PDGFC: variants seen among roughly 807,000 people sequenced by gnomAD.
The protein encoded by PDGFC is platelet-derived growth factor C.
PDGFC carries 12 observed loss-of-function variants against 35.5 expected under a neutral mutation model. The observed-to-expected ratio is 0.34, with a 90% CI of 0.22 to 0.55. The LOEUF (loss-of-function observed/expected upper bound fraction) is 0.55, where lower values mean the gene tolerates loss of function less well. Among genes scored for constraint, PDGFC ranks in the 20% least tolerant of loss-of-function variants. PDGFC has a pLI of 0.91. For synonymous variants in PDGFC, 159 were observed against 148.8 expected (o/e 1.07, Z -0.50); for missense variants, 322 against 412.4 (o/e 0.78, Z 1.90).
chr4:156,795,252 T>C (rs936532371), intron 3 of PDGFC, among the ~76,000 whole-genome samples: 14 of 152,160 alleles, frequency 9.2e-5, no homozygotes, highest in Admixed American at 2.6e-4. Context: ...CCATATAAAA[T>C]GAGTTACTAT....
chr4:156,772,732 A>G lies in PDGFC; in HGVS notation c.657T>C (p.Thr219=), dbSNP rs796900513. The G allele has an allele frequency of 1.2e-6, 2 of 1,613,660 alleles. No homozygotes were observed. The highest frequency in any genetic ancestry group is 2.2e-5 in the East Asian group (1 of 44,834). The part of the protein sequence containing the change: ...QLDLEDLYRP[T]WQLLGKAFVF... ...CAAAAGCCTTGCCAAGAAGTTGCCA[A>G]GTTGGCCTATATAGATCTTCTAAGT... is the stretch of plus-strand genomic sequence containing the variant. Residue 219 remains threonine, a synonymous_variant, in exon 4 of 6, where the codon ACT becomes ACC. Transcript: ENST00000502773.
chr4:156,840,563 C>T (rs1729176851), intron 2 of PDGFC, among the ~76,000 whole-genome samples: 1 of 152,244 alleles, frequency 6.6e-6, no homozygotes, highest in South Asian at 2.1e-4. Context: ...GAATCCCCTA[C>T]AGAAAGTCCC....
chr4:156,818,607 G>A (rs1201688339), intron 2 of PDGFC, among the ~76,000 whole-genome samples: 5 of 132,778 alleles, frequency 3.8e-5, no homozygotes, highest in South Asian at 2.6e-4. Context: ...TGCAAGCTCC[G>A]CCTCCTGGGT....
intron 2 of PDGFC, among the ~76,000 whole-genome samples, chr4:156,830,876 A>T (rs191566153): frequency 1.3e-5 from 2 of 152,310 alleles, no homozygotes; most frequent in East Asian, 3.9e-4. Context: ...ATTTCAGCTA[A>T]ATATTACTCC....
chr4:156,916,764 G>C (rs1043717388), intron 1 of PDGFC, among the ~76,000 whole-genome samples: 2 of 152,094 alleles, frequency 1.3e-5, no homozygotes, highest in African/African-American at 4.8e-5. Flanking sequence ...TGAGCCTTTG[G>C]GGTGGCACAT....
intron 1 of PDGFC, among the ~76,000 whole-genome samples, chr4:156,885,995 A>T (rs1730367421): frequency 1.3e-5 from 2 of 152,184 alleles, no homozygotes; most frequent in South Asian, 4.1e-4. Flanking sequence ...TTAGACTGAT[A>T]TTTAGTCTTG....
At chr4:156,938,864 ATTTAT>A (rs1731743048) in intron 1 of PDGFC, among the ~76,000 whole-genome samples, 1 of 151,782 alleles carries the variant, frequency 6.6e-6, no homozygotes, top group African/African-American at 2.4e-5. Context: ...TATAAATACA[ATTTAT>A]TTTATATTGT....
At chr4:156,899,343 C>T (rs1297855348) in intron 1 of PDGFC, among the ~76,000 whole-genome samples, 1 of 152,126 alleles carries the variant, frequency 6.6e-6, no homozygotes, top group East Asian at 1.9e-4. Flanking sequence ...ACTTGAGCAA[C>T]CTTGGATTTT....
At chr4:156,802,752 C>T (rs1267392829) in intron 3 of PDGFC, among the ~76,000 whole-genome samples, 6 of 152,220 alleles carry the variant, frequency 3.9e-5, no homozygotes, top group Admixed American at 2.0e-4. Context: ...TAAGCCAGCA[C>T]GCAGTACAGT....
At chr4:156,896,646 A>G (rs1424501270) in intron 1 of PDGFC, among the ~76,000 whole-genome samples, 1 of 152,234 alleles carries the variant, frequency 6.6e-6, no homozygotes, top group Non-Finnish European at 1.5e-5. Context: ...AAAGTCATAC[A>G]TAACACATTA....
At chr4:156,791,365 T>A (rs116465354) in intron 3 of PDGFC, among the ~76,000 whole-genome samples, 4 of 152,206 alleles carry the variant, frequency 2.6e-5, no homozygotes, top group African/African-American at 9.6e-5. Flanking sequence ...ATCCAGCTTA[T>A]CGTGTATTTA....
At chr4:156,914,955 T>G (rs1252063870) in intron 1 of PDGFC, among the ~76,000 whole-genome samples, 1 of 152,090 alleles carries the variant, frequency 6.6e-6, no homozygotes, top group Admixed American at 6.6e-5. Context: ...TTGTTAATGG[T>G]TTAGAGTAGT....
At chr4:156,927,549 G>C (rs1316645234) in intron 1 of PDGFC, among the ~76,000 whole-genome samples, 1 of 152,048 alleles carries the variant, frequency 6.6e-6, no homozygotes, top group Non-Finnish European at 1.5e-5. Context: ...GTTCAAAGTT[G>C]CACGAATCTC....
In PDGFC at chr4:156,971,481, G is replaced by T. The variant is rs1370361699; in HGVS notation, c.-578C>A. ...GCGCCGCGGCGGGTCCCACGGGCCG[G>T]GGCGCCGGAGCGGGGCCGGGGGGCT... is the stretch of plus-strand genomic sequence containing the variant. On this transcript the variant is annotated 5_prime_UTR_variant, in exon 1 of 6. Coordinates refer to ENST00000502773, the MANE Select transcript of PDGFC (RefSeq NM_016205.3). The T allele has an allele frequency of 4.0e-6, 1 of 248,462 alleles. No homozygotes were observed. The highest frequency in any genetic ancestry group is 7.6e-6 in the Non-Finnish European group (1 of 131,918). 15.4% of individuals were successfully genotyped at this position (248,462 alleles called of 1,614,324 possible). A position where few individuals can be genotyped will look rare whatever the true frequency, so the allele number is the denominator to read the frequency against.
intron 3 of PDGFC, among the ~76,000 whole-genome samples, chr4:156,784,739 G>A (rs911730292): frequency 6.6e-6 from 1 of 152,160 alleles, no homozygotes; most frequent in Admixed American, 6.5e-5. Flanking sequence ...TGTAGATCAA[G>A]ACGGGGCAAA....
At chr4:156,894,049 C>T (rs1730575646) in intron 1 of PDGFC, among the ~76,000 whole-genome samples, 1 of 152,094 alleles carries the variant, frequency 6.6e-6, no homozygotes, top group Non-Finnish European at 1.5e-5. Flanking sequence ...GTATCAGGTG[C>T]CTCAAAATAA....
chr4:156,945,083 G>A (rs1731906042), intron 1 of PDGFC, among the ~76,000 whole-genome samples: 1 of 151,508 alleles, frequency 6.6e-6, no homozygotes, highest in Non-Finnish European at 1.5e-5. Context: ...CCAAAACACA[G>A]CACTGACCAT....
At chr4:156,812,448 A>G (rs752506423) in intron 2 of PDGFC, among the ~76,000 whole-genome samples, 10 of 152,128 alleles carry the variant, frequency 6.6e-5, no homozygotes, top group South Asian at 2.1e-4. Context: ...GCTTCTATGA[A>G]TTGCATTTCA....
chr4:156,907,462 T>C (rs1730941094), intron 1 of PDGFC, among the ~76,000 whole-genome samples: 2 of 152,154 alleles, frequency 1.3e-5, no homozygotes, highest in South Asian at 4.1e-4. Context: ...AAGGGTTTCA[T>C]CTCTTAAGAT....
Sources: allele counts gnomAD v4.1 joint callset (sites outside exome capture counted in the v4.1 genomes callset), GRCh38; gene constraint gnomAD v4.1.1; transcripts MANE v1.5; gene names NCBI Gene and HGNC (gene_info 2026-07-23, HGNC 2026-07-21).